The following TCF4 variants were observed in gnomAD, a reference collection of about 807,000 sequenced individuals.
TCF4 encodes transcription factor 4, also known as SL3-3 enhancer factor 2.
A neutral mutation model predicts 82.1 loss-of-function variants in TCF4; 3 were observed. The ratio of observed to expected loss-of-function variants is 0.04; its 90% CI spans 0.02 to 0.09. The LOEUF is 0.09. TCF4 is among the 10% of genes least tolerant of loss of function. The probability of loss-of-function intolerance (pLI) is 1.00; values close to 1 mark genes in which losing one functional copy is unlikely to be tolerated. For synonymous variants in TCF4, 276 were observed against 309.6 expected, an observed-to-expected ratio of 0.89 and a Z score of 1.14; for missense variants, 518 against 852.7, an observed-to-expected ratio of 0.61 and a Z score of 4.89.
At chr18:55,623,154 G>A (rs943244442) in intron 2 of TCF4, among the ~76,000 whole-genome samples, 2 of 152,040 alleles carry the variant, frequency 1.3e-5, no homozygotes, top group Non-Finnish European at 2.9e-5. Context: ...TTTTAATAGT[G>A]TGTAACTTCT....
At chr18:55,359,171 T>G (rs1025804) in intron 6 of TCF4, among the ~76,000 whole-genome samples, 36,717 of 152,148 alleles carry the variant, frequency 0.24, 5,271 homozygotes, top group East Asian at 0.57. Flanking sequence ...TTCTTTAGTC[T>G]GATCCTCCCA....
chr18:55,614,097 A>G (rs554072194), intron 2 of TCF4, among the ~76,000 whole-genome samples: 2 of 152,196 alleles, frequency 1.3e-5, no homozygotes, highest in Admixed American at 1.3e-4. Context: ...GTCTCACTGT[A>G]TTGCTCAGAC....
intron 14 of TCF4, among the ~76,000 whole-genome samples, chr18:55,256,656 C>T (rs2056919942): frequency 6.6e-6 from 1 of 152,132 alleles, no homozygotes; most frequent in African/African-American, 2.4e-5. Context: ...AACTAAAAGG[C>T]TCCTCTCCCT....
chr18:55,618,796 A>C lies in TCF4; in HGVS notation c.286+12502T>G, dbSNP rs540062770. Among the ~76,000 whole-genome samples, 660 of 150,192 alleles carry C rather than the reference A, an allele frequency of 4.4e-3. 3 individuals carry two copies. Among genetic ancestry groups the C allele is most frequent in the African/African-American group, 0.015 (629 of 40,598 alleles). On this transcript the variant is annotated intron_variant, in intron 2 of 20. Coordinates refer to the TCF4 transcript ENST00000398339. ...GAGACAGAGTCTTGCCATGTTGCCC[A>C]AGCTGGTCTCAGACTCCTGGGCTCA...
chr18:55,525,115 C>G (rs992821884), intron 3 of TCF4, among the ~76,000 whole-genome samples: 7 of 151,966 alleles, frequency 4.6e-5, no homozygotes, highest in Non-Finnish European at 1.0e-4. Flanking sequence ...CTTTAATTTC[C>G]TATAAAGCTA....
At chr18:55,330,891 A>C (rs747527234) in intron 8 of TCF4, among the ~76,000 whole-genome samples, 1 of 152,232 alleles carries the variant, frequency 6.6e-6, no homozygotes, top group Admixed American at 6.5e-5. Context: ...ACTTACCTGC[A>C]TAAGTTCTAG....
At chr18:55,378,203 A>C (rs2091217480) in intron 6 of TCF4, among the ~76,000 whole-genome samples, 1 of 152,214 alleles carries the variant, frequency 6.6e-6, no homozygotes, top group African/African-American at 2.4e-5. Flanking sequence ...CAGATTGAGA[A>C]ACAACGACCT....
intron 3 of TCF4, among the ~76,000 whole-genome samples, chr18:55,542,158 A>T: frequency 6.6e-6 from 1 of 152,016 alleles, no homozygotes; most frequent in East Asian, 1.9e-4. Flanking sequence ...TTTACTTCAA[A>T]AGAGATTTAG....
chr18:55,228,162 T>C lies in TCF4; in HGVS notation c.*4+59A>G, dbSNP rs190647355. Reference sequence around the variant, plus strand: ...TTTGGGTGAAATTCACTTTTATGGCTGATACACTGATGAGAGTTTTGAATG... The same window carrying C: ...TTTGGGTGAAATTCACTTTTATGGCCGATACACTGATGAGAGTTTTGAATG... On this transcript the variant is annotated intron_variant, in intron 19 of 19. Coordinates refer to ENST00000354452, the MANE Select transcript of TCF4 (RefSeq NM_001083962.2). The C allele has an allele frequency of 2.1e-5, 34 of 1,607,530 alleles. No individual in the cohort carries two copies. The African/African-American group carries it at 4.1e-4, about 20-fold the overall frequency.
chr18:55,235,660 T>C (rs1448837411), intron 15 of TCF4, among the ~76,000 whole-genome samples: 4 of 152,336 alleles, frequency 2.6e-5, no homozygotes, highest in Non-Finnish European at 2.9e-5. Flanking sequence ...ACATGAAGCA[T>C]TTGTCAACTA....
intron 5 of TCF4, among the ~76,000 whole-genome samples, chr18:55,440,124 G>A (rs958951008): frequency 2.6e-5 from 4 of 152,106 alleles, no homozygotes; most frequent in African/African-American, 9.7e-5. Flanking sequence ...TCTGGGTGGT[G>A]AGCCACCACG....
At chr18:55,454,433 T>C (rs2095693324) in intron 5 of TCF4, among the ~76,000 whole-genome samples, 1 of 152,188 alleles carries the variant, frequency 6.6e-6, no homozygotes, top group South Asian at 2.1e-4. Flanking sequence ...TCTAATTCCC[T>C]GATTCACTCG....
At chr18:55,615,106 G>A (rs1393821913) in intron 2 of TCF4, among the ~76,000 whole-genome samples, 1 of 152,066 alleles carries the variant, frequency 6.6e-6, no homozygotes, top group Non-Finnish European at 1.5e-5. Context: ...GAAATATTTT[G>A]TCAATTTCTA....
chr18:55,512,519 GGT>G (rs2096838708), intron 3 of TCF4, among the ~76,000 whole-genome samples: 1 of 152,046 alleles, frequency 6.6e-6, no homozygotes, highest in Non-Finnish European at 1.5e-5. Context: ...TAAAGGGGTA[GGT>G]GTGTGTGTCT....
rs2093955059 is a variant in TCF4, at chr18:55,403,831, A to C, written c.305-313T>G. ...TTCACTTTCTCTTGCACAAAATTTA[A>C]ACAATTTCATTTTTATTTACACAGC... On this transcript the variant is annotated intron_variant, in intron 5 of 19. Coordinates refer to ENST00000354452, the MANE Select transcript of TCF4 (RefSeq NM_001083962.2). The C allele has an allele frequency of 2.0e-6, 3 of 1,488,936 alleles. No individual in the cohort carries two copies. In the Admixed American group the frequency reaches 6.9e-5, roughly 34 times the overall value. 92.2% of individuals were successfully genotyped at this position (1,488,936 alleles called of 1,614,324 possible). A position where few individuals can be genotyped will look rare whatever the true frequency, so the allele number is the denominator to read the frequency against.
chr18:55,410,099 GA>G lies in TCF4; in HGVS notation c.305-6582del, dbSNP rs577687519. On this transcript the variant is annotated intron_variant, in intron 5 of 19. Coordinates refer to ENST00000354452, the MANE Select transcript of TCF4 (RefSeq NM_001083962.2). ...GGAAATCCTATAAAGACAAATGGGG[GA>G]AAAGGTAACTAACTAGGCACATAGC... is the stretch of plus-strand genomic sequence containing the variant. 2.7e-3 allele frequency among the ~76,000 whole-genome samples: 414 copies of G among 152,260 alleles called. 2 individuals are homozygous for G. The highest frequency in any genetic ancestry group is 9.8e-3 in the African/African-American group (407 of 41,548).
intron 8 of TCF4, chr18:55,302,378 G>A (rs766003283): frequency 1.3e-6 from 2 of 1,528,054 alleles, no homozygotes; most frequent in South Asian, 2.4e-5. Context: ...AGTCAGGCAG[G>A]CTCAGGATAG....
At chr18:55,394,203 A>G (rs951617464) in intron 6 of TCF4, among the ~76,000 whole-genome samples, 2 of 152,200 alleles carry the variant, frequency 1.3e-5, no homozygotes, top group African/African-American at 4.8e-5. Context: ...CCTGCTGTTC[A>G]TTATCATGGT....
intron 3 of TCF4, among the ~76,000 whole-genome samples, chr18:55,502,737 C>A (rs144654135): frequency 3.9e-5 from 6 of 152,080 alleles, no homozygotes; most frequent in African/African-American, 1.4e-4. Flanking sequence ...CTGATTTTCA[C>A]ACAAGTTAAG....
Sources: gnomAD v4.1 joint callset for allele counts (sites outside exome capture counted in the v4.1 genomes callset) on GRCh38, gnomAD v4.1.1 for gene constraint, MANE v1.5 for transcripts, NCBI Gene and HGNC (gene_info 2026-07-23, HGNC 2026-07-21) for gene names.